Variants in ESR1 observed in about 807,000 individuals in gnomAD.
ESR1 encodes estrogen receptor 1, also known as estrogen receptor.
Under a neutral mutation model 52.7 loss-of-function variants are expected in ESR1, and 12 were observed. The ratio of observed to expected loss-of-function variants is 0.23; its 90% CI spans 0.15 to 0.37. The LOEUF is 0.37. Ranked by LOEUF, ESR1 falls within the 10% of genes least tolerant of loss-of-function variation. The probability of loss-of-function intolerance (pLI) is 1.00; values close to 1 mark genes in which losing one functional copy is unlikely to be tolerated. For missense variants in ESR1, 584 were observed against 779.7 expected (o/e 0.75, Z 2.99); for synonymous variants, 305 against 316.8 (o/e 0.96, Z 0.39).
At chr6:152,033,260 G>A (rs533581445) in intron 5 of ESR1, among the ~76,000 whole-genome samples, 93 of 152,196 alleles carry the variant, frequency 6.1e-4, no homozygotes, top group East Asian at 2.9e-3. Context: ...AACACCAAAA[G>A]CAATGGCAAC....
chr6:151,743,217 G>A (rs1415684475), intron 2 of ESR1, among the ~76,000 whole-genome samples: 1 of 152,062 alleles, frequency 6.6e-6, no homozygotes, highest in African/African-American at 2.4e-5. Flanking sequence ...GGAAGGCCTG[G>A]TGGGAGGGGA....
chr6:151,833,932 C>T (rs1320529288), intron 1 of ESR1, among the ~76,000 whole-genome samples: 3 of 152,004 alleles, frequency 2.0e-5, no homozygotes, highest in South Asian at 2.1e-4. Flanking sequence ...ATGCAGCCAA[C>T]AAACATATGA....
chr6:151,687,619 G>T (rs1778740661), upstream of ESR1, among the ~76,000 whole-genome samples: 2 of 152,126 alleles, frequency 1.3e-5, no homozygotes, highest in South Asian at 4.1e-4. Context: ...GCAGGATTTT[G>T]CTTGAACAAC....
At chr6:151,678,498 T>C (rs952321900) in intron 1 of ESR1, among the ~76,000 whole-genome samples, 9 of 151,198 alleles carry the variant, frequency 6.0e-5, no homozygotes, top group Non-Finnish European at 7.4e-5. Context: ...AGTTGATGCC[T>C]GAGTCTCTCC....
chr6:151,861,214 A>G (rs1788828653), intron 2 of ESR1, among the ~76,000 whole-genome samples: 1 of 152,126 alleles, frequency 6.6e-6, no homozygotes, highest in Non-Finnish European at 1.5e-5. Context: ...TTCCATGAGA[A>G]CACTCCCGAA....
chr6:151,706,355 T>A (rs2127992073), intron 2 of ESR1, among the ~76,000 whole-genome samples: 1 of 152,332 alleles, frequency 6.6e-6, no homozygotes, highest in South Asian at 2.1e-4. Flanking sequence ...ACAGGAGAGA[T>A]TGACTAGTGG....
intron 2 of ESR1, among the ~76,000 whole-genome samples, chr6:151,844,990 C>T (rs1784884212): frequency 6.6e-6 from 1 of 151,372 alleles, no homozygotes; most frequent in Non-Finnish European, 1.5e-5. Flanking sequence ...AATGAAAATA[C>T]CAGTTATAAA....
At chr6:151,912,750 T>C (rs1031641362) in intron 3 of ESR1, among the ~76,000 whole-genome samples, 4 of 152,188 alleles carry the variant, frequency 2.6e-5, no homozygotes, top group Non-Finnish European at 5.9e-5. Context: ...TAAAGCAGAA[T>C]GAGTTCCTGT....
At chr6:151,988,938 C>G (rs946849040) in intron 4 of ESR1, among the ~76,000 whole-genome samples, 1 of 151,968 alleles carries the variant, frequency 6.6e-6, no homozygotes, top group South Asian at 2.1e-4. Flanking sequence ...GATAAAGGCA[C>G]TTTTTAAAAG....
chr6:152,121,768 CTT>C (rs71660056), intron 6 of ESR1: 17,680 of 150,818 alleles, frequency 0.12, 1,230 homozygotes, highest in East Asian at 0.31. Flanking sequence ...ACATAAATAT[CTT>C]TTTTTTTTTA....
intron 2 of ESR1, among the ~76,000 whole-genome samples, chr6:151,780,420 A>G (rs544550844): frequency 1.3e-5 from 2 of 152,278 alleles, no homozygotes; most frequent in East Asian, 1.9e-4. Flanking sequence ...CATTCCTTCC[A>G]TCTTCTCATG....
intron 2 of ESR1, among the ~76,000 whole-genome samples, chr6:151,750,600 T>C (rs879801853): frequency 9.2e-5 from 14 of 152,224 alleles, no homozygotes; most frequent in Admixed American, 2.0e-4. Context: ...CTTTCCAACA[T>C]AGTTTTCCTT....
At chr6:151,716,323 A>G (rs1353503635) in intron 2 of ESR1, among the ~76,000 whole-genome samples, 1 of 152,130 alleles carries the variant, frequency 6.6e-6, no homozygotes, top group Non-Finnish European at 1.5e-5. Flanking sequence ...GACCCACTTG[A>G]GCAGGTAGTC....
chr6:152,036,967 A>G (rs919527488), intron 5 of ESR1, among the ~76,000 whole-genome samples: 5 of 152,204 alleles, frequency 3.3e-5, no homozygotes, highest in Non-Finnish European at 5.9e-5. Flanking sequence ...GGGAAAGAAA[A>G]GAGAGCAATG....
chr6:151,986,148 G>A (rs1178207584), intron 4 of ESR1, among the ~76,000 whole-genome samples: 2 of 152,130 alleles, frequency 1.3e-5, no homozygotes, highest in Admixed American at 6.5e-5. Flanking sequence ...GGATGTGACT[G>A]TCCTTCTTCA....
chr6:151,884,625 T>A (rs929670392), intron 3 of ESR1, among the ~76,000 whole-genome samples: 8 of 152,236 alleles, frequency 5.3e-5, no homozygotes, highest in African/African-American at 1.9e-4. Flanking sequence ...GAACTAACAA[T>A]TTTAATCTGT....
chr6:152,040,013 G>C (rs2045652460), intron 5 of ESR1, among the ~76,000 whole-genome samples: 1 of 152,184 alleles, frequency 6.6e-6, no homozygotes, highest in African/African-American at 2.4e-5. Context: ...TGCAGGATAG[G>C]CAAACCCATA....
rs533986111 is a variant in ESR1, at chr6:152,040,245, G to A, written c.1236-20746G>A. The stretch of plus-strand genomic sequence containing the variant: ...CGTGGAAGTCCATGTTGCTGAGCCC[G>A]TGCGTAACCTCCATCCCTGCCACCA... On this transcript the variant is annotated intron_variant, in intron 5 of 7. Coordinates refer to ENST00000206249, the MANE Select transcript of ESR1 (RefSeq NM_000125.4). Among the ~76,000 whole-genome samples, 9 of 152,290 alleles carry A rather than the reference G, an allele frequency of 5.9e-5. No homozygotes were observed. The South Asian group carries it at 6.2e-4, about 11-fold the overall frequency.
chr6:152,090,042 C>T (rs1051599732), intron 6 of ESR1, among the ~76,000 whole-genome samples: 1 of 152,198 alleles, frequency 6.6e-6, no homozygotes, highest in Non-Finnish European at 1.5e-5. Flanking sequence ...TCCAAACACC[C>T]TGTTAGGGAC....
Sources: gnomAD v4.1 joint callset for allele counts (sites outside exome capture counted in the v4.1 genomes callset) on GRCh38, gnomAD v4.1.1 for gene constraint, MANE v1.5 for transcripts, NCBI Gene and HGNC (gene_info 2026-07-23, HGNC 2026-07-21) for gene names.